The following PTX3 variants were observed in gnomAD, a reference collection of about 807,000 sequenced individuals.
PTX3 encodes pentraxin-related protein PTX3.
Under a neutral mutation model 23.5 loss-of-function variants are expected in PTX3, and 24 were observed. That is an observed-to-expected ratio of 1.02 (90% CI 0.74 to 1.43). PTX3 has a LOEUF of 1.43. Ranked by LOEUF, PTX3 falls within the 40% of genes most tolerant of loss-of-function variation. The pLI, the probability that PTX3 is intolerant of heterozygous loss-of-function variation, is 0.00. For missense variants in PTX3, 510 were observed against 497.5 expected (o/e 1.02, Z -0.24); for synonymous variants, 218 against 205.4 (o/e 1.06, Z -0.53).
chr3:157,437,519 C>T lies in PTX3; in HGVS notation c.137C>T (p.Pro46Leu), dbSNP rs1000074101. The change falls in exon 2 of 3, where the codon CCG becomes CTG. Residue 46 changes from proline to leucine, a missense_variant. Pro to Leu is a moderately conservative substitution (Grantham distance 98). Coordinates refer to ENST00000295927, the MANE Select transcript of PTX3 (RefSeq NM_002852.4). Reference protein sequence around the residue: ...NGLHPTEDPTPCACGQEHSEW... With the variant: ...NGLHPTEDPTLCACGQEHSEW... ...TGTGTATCCCGTACTCTAGCCACGCCGTGCGCCTGCGGTCAGGAGCACTCG... is the reference window on the plus strand; with the variant it reads ...TGTGTATCCCGTACTCTAGCCACGCTGTGCGCCTGCGGTCAGGAGCACTCG... 1 of 1,605,122 alleles carries T rather than the reference C, an allele frequency of 6.2e-7. No individual in the cohort carries two copies. The highest frequency in any genetic ancestry group is 8.5e-7 in the Non-Finnish European group (1 of 1,177,350).
At chr3:157,438,050 C>A in intron 2 of PTX3, 136 bp downstream of exon 2, 2 of 728,590 alleles carry the variant, frequency 2.7e-6, no homozygotes, top group Non-Finnish European at 4.3e-6. Flanking sequence ...CACACACACA[C>A]ACACACACAC....
At position 157,442,680 on chromosome 3, in the gene PTX3, T is replaced by C; in HGVS notation, c.847T>C (p.Leu283=). 6 of 1,614,200 alleles carry C rather than the reference T, an allele frequency of 3.7e-6. No individual in the cohort carries two copies. Residue 283 remains leucine (L), a synonymous_variant, in exon 3 of 3, where the codon TTG becomes CTG. Transcript: ENST00000295927. ...TWNSEEGLTS[L]WVNGELAATT... Reference sequence around the variant, plus strand: ...GAATTCAGAGGAAGGGCTCACATCCTTGTGGGTAAATGGTGAACTGGCGGC... The same window carrying C: ...GAATTCAGAGGAAGGGCTCACATCCCTGTGGGTAAATGGTGAACTGGCGGC...
chr3:157,437,680 G>C lies in PTX3; in HGVS notation c.298G>C (p.Ala100Pro). Residue 100 changes from alanine (A) to proline (P), a missense_variant, in exon 2 of 3, where the codon GCG becomes CCG. Coordinates refer to ENST00000295927, the MANE Select transcript of PTX3 (RefSeq NM_002852.4). Reference sequence around the variant, plus strand: ...GCTGGGCCGGCTCGCGGAAAGCCTGGCGAGGCCGTGCGCGCCGGGGGCTCC... The same window carrying C: ...GCTGGGCCGGCTCGCGGAAAGCCTGCCGAGGCCGTGCGCGCCGGGGGCTCC... Reference protein sequence around the residue: ...EELGRLAESLARPCAPGAPAE... With the variant: ...EELGRLAESLPRPCAPGAPAE... 6.5e-7 allele frequency: 1 copy of C among 1,535,154 alleles called. No homozygotes were observed. The highest frequency in any genetic ancestry group is 1.2e-5 in the South Asian group (1 of 83,548).
chr3:157,438,898 G>T (rs1389430961), intron 2 of PTX3, among the ~76,000 whole-genome samples: 1 of 152,166 alleles, frequency 6.6e-6, no homozygotes, highest in East Asian at 1.9e-4. Context: ...AATATAACTT[G>T]CACTTTTCCT....
intron 1 of PTX3, 79 bp from the exon 2 acceptor site, chr3:157,437,434 C>T (rs888420704): frequency 6.6e-7 from 1 of 1,525,384 alleles, no homozygotes; most frequent in Non-Finnish European, 8.8e-7. Flanking sequence ...TTGGCACCAC[C>T]GAGGGAGGTC....
At position 157,437,637 on chromosome 3, in the gene PTX3, G is replaced by T. The variant is rs1733721312; in HGVS notation, c.255G>T (p.Leu85=). Residue 85 remains leucine, a synonymous_variant, in exon 2 of 3, where the codon CTG becomes CTT. Coordinates refer to ENST00000295927, the MANE Select transcript of PTX3 (RefSeq NM_002852.4). The part of the protein sequence containing the change: ...QATDDVLRGE[L]QRLREELGRL... ...CGGACGACGTCCTGCGGGGCGAGCT[G>T]CAGAGGCTGCGGGAGGAGCTGGGCC... 6.4e-7 allele frequency: 1 copy of T among 1,551,686 alleles called. No homozygotes were observed. The highest frequency in any genetic ancestry group is 8.7e-7 in the Non-Finnish European group (1 of 1,150,710).
At chr3:157,437,252 A>G (rs1161434244) in intron 1 of PTX3, among the ~76,000 whole-genome samples, 189 bp downstream of exon 1, 1 of 152,222 alleles carries the variant, frequency 6.6e-6, no homozygotes, top group Non-Finnish European at 1.5e-5. Context: ...AATGGGTTGA[A>G]TCATATCAAA....
Position 157,442,417 on chromosome 3 carries a change from G to T in PTX3, c.584G>T (p.Ser195Ile). 1 of 1,614,006 alleles carries T rather than the reference G, an allele frequency of 6.2e-7. No homozygotes were observed. Reference sequence around the variant, plus strand: ...ATGCGTTCCAAGAAGATTTTTGGAAGCGTGCATCCAGTGAGACCAATGAGG... The same window carrying T: ...ATGCGTTCCAAGAAGATTTTTGGAATCGTGCATCCAGTGAGACCAATGAGG... The part of the protein sequence containing the change: ...FPMRSKKIFG[S>I]VHPVRPMRLE... The change falls in exon 3 of 3, where the codon AGC becomes ATC. Residue 195 changes from serine (S) to isoleucine (I), a missense_variant. By Grantham distance (142) the Ser-to-Ile change is moderately radical. Coordinates refer to ENST00000295927, the MANE Select transcript of PTX3 (RefSeq NM_002852.4).
intron 2 of PTX3, among the ~76,000 whole-genome samples, chr3:157,441,218 G>A (rs151293623): frequency 6.6e-6 from 1 of 152,250 alleles, no homozygotes; most frequent in East Asian, 1.9e-4. Context: ...TAAGGGCGTG[G>A]CCTCTGTGAC....
chr3:157,440,619 TATATGTATGTATACATACATACATATCC>T (rs972419654), intron 2 of PTX3, among the ~76,000 whole-genome samples: 7 of 152,062 alleles, frequency 4.6e-5, no homozygotes, highest in Non-Finnish European at 1.0e-4. Flanking sequence ...TTTATATACA[TATATGTATGTATACATACATACATATCC>T]ATATGTATAT....
At position 157,437,825 on chromosome 3, in the gene PTX3, C is replaced by T. The variant is rs1469710203; in HGVS notation, c.443C>T (p.Ala148Val). 6.8e-7 allele frequency: 1 copy of T among 1,467,222 alleles called. No individual in the cohort carries two copies. The highest frequency in any genetic ancestry group is 8.9e-7 in the Non-Finnish European group (1 of 1,122,830). The allele number at this position is 1,467,222 out of a possible 1,614,324, so 90.9% of individuals were successfully genotyped here. A position where few individuals can be genotyped will look rare whatever the true frequency, so the allele number is the denominator to read the frequency against. ...CAGCGCCCAGAGGAGGCGGGGCGCG[C>T]CCTGGCCGCGGTGCTAGAGGAGCTG... ...EAQRPEEAGR[A>V]LAAVLEELRQ... The change falls in exon 2 of 3, where the codon GCC becomes GTC. Residue 148 changes from alanine (A) to valine (V), a missense_variant. Coordinates refer to ENST00000295927, the MANE Select transcript of PTX3 (RefSeq NM_002852.4).
chr3:157,438,014 A>G, intron 2 of PTX3, 100 bp downstream of exon 2: 1 of 1,242,862 alleles, frequency 8.0e-7, no homozygotes, highest in South Asian at 1.4e-5. Flanking sequence ...GGAAGCTTTC[A>G]TGGGAAGCGC....
intron 2 of PTX3, 46 bp from the exon 3 acceptor site, chr3:157,442,320 A>G: frequency 7.0e-7 from 1 of 1,425,408 alleles, no homozygotes; most frequent in Non-Finnish European, 9.5e-7. Flanking sequence ...ATTCTGAATT[A>G]ATTTATATTT....
At chr3:157,439,955 TTA>T (rs1309171002) in intron 2 of PTX3, among the ~76,000 whole-genome samples, 1 of 152,166 alleles carries the variant, frequency 6.6e-6, no homozygotes, top group Admixed American at 6.5e-5. Flanking sequence ...TTTCACCGTG[TTA>T]GCCAGGATGG....
At chr3:157,438,020 A>AGCGCGC (rs113324549) in intron 2 of PTX3, 106 bp downstream of exon 2, 2 of 836,860 alleles carry the variant, frequency 2.4e-6, no homozygotes, top group Admixed American at 3.8e-5. Flanking sequence ...TTTCATGGGA[A>AGCGCGC]GCGCGCGCGC....
Position 157,442,592 on chromosome 3 carries a change from GA to G in PTX3, c.761del (p.Asn254ThrfsTer32). On this transcript the variant is annotated frameshift_variant, in exon 3 of 3. Coordinates refer to ENST00000295927, the MANE Select transcript of PTX3 (RefSeq NM_002852.4). LOFTEE classifies it high-confidence loss of function. Reference sequence around the variant, plus strand: ...TAGTGTTTGTGGTGGGTGGAGAGGAGAACAAACTGGTTGCTGAAGCCATGGT... The same window carrying G: ...TAGTGTTTGTGGTGGGTGGAGAGGAGACAAACTGGTTGCTGAAGCCATGGT... ...SIVFVVGGEENKLVAEAMVSL... is the reference protein window; with the variant it reads ...SIVFVVGGEEXKLVAEAMVSL... The G allele has an allele frequency of 6.2e-7, 1 of 1,614,206 alleles. No individual in the cohort carries two copies. Among genetic ancestry groups the G allele is most frequent in the Non-Finnish European group, 8.5e-7 (1 of 1,180,046 alleles).
intron 2 of PTX3, among the ~76,000 whole-genome samples, chr3:157,440,469 G>C (rs1243208112): frequency 6.6e-6 from 1 of 151,974 alleles, no homozygotes; most frequent in Non-Finnish European, 1.5e-5. Context: ...CTCTTTACCA[G>C]TTATTCTGGA....
At position 157,442,675 on chromosome 3, in the gene PTX3, C is replaced by T. The variant is rs767120397; in HGVS notation, c.842C>T (p.Thr281Ile). The T allele has an allele frequency of 3.7e-6, 6 of 1,614,088 alleles. No homozygotes were observed. In the African/African-American group the frequency reaches 8.0e-5, roughly 22 times the overall value. ...CGTWNSEEGL[T>I]SLWVNGELAA... is the part of the protein sequence containing the mutation. ...ACCTGGAATTCAGAGGAAGGGCTCA[C>T]ATCCTTGTGGGTAAATGGTGAACTG... The change falls in exon 3 of 3, where the codon ACA becomes ATA. Residue 281 changes from threonine (T) to isoleucine (I), a missense_variant. Coordinates refer to ENST00000295927, the MANE Select transcript of PTX3 (RefSeq NM_002852.4).
rs765317629 is a variant in PTX3 at position 157,437,906 on chromosome 3, T to C, written c.524T>C (p.Leu175Pro). The change falls in exon 2 of 3, where the codon CTG (leucine) becomes CCG (proline). Residue 175 changes from leucine to proline, a missense_variant. Transcript: ENST00000295927. ...CAGGGCTGGGCTGCCCGGAGCTGGC[T>C]GCCGGCAGGTAAGGAGGCAAGCGGG... ...AVQGWAARSW[L>P]PAGCETAILF... 1.3e-6 allele frequency: 2 copies of C among 1,524,188 alleles called. No homozygotes were observed. The highest frequency in any genetic ancestry group is 1.4e-5 in the African/African-American group (1 of 71,326). The allele number at this position is 1,524,188 out of a possible 1,614,324, so 94.4% of individuals were successfully genotyped here.
Sources: allele counts gnomAD v4.1 joint callset (sites outside exome capture counted in the v4.1 genomes callset), GRCh38; gene constraint gnomAD v4.1.1; transcripts MANE v1.5; gene names NCBI Gene and HGNC (gene_info 2026-07-23, HGNC 2026-07-21).